ADAMTS9: variants seen among roughly 807,000 people sequenced by gnomAD.
ADAMTS9 encodes A disintegrin and metalloproteinase with thrombospondin motifs 9.
ADAMTS9 carries 107 observed loss-of-function variants against 257.1 expected under a neutral mutation model. That is an observed-to-expected ratio of 0.42 (90% CI 0.36 to 0.49). The LOEUF is 0.49. Ranked by LOEUF, ADAMTS9 falls within the 20% of genes least tolerant of loss-of-function variation. ADAMTS9 has a pLI of 0.03. For synonymous variants in ADAMTS9, 982 were observed against 880.9 expected (o/e 1.11, Z -2.03); for missense variants, 2,353 against 2,469.1 (o/e 0.95, Z 1.00).
chr3:64,647,840 C>G (rs1168985742), intron 11 of ADAMTS9, 100 bp downstream of exon 11: 2 of 974,936 alleles, frequency 2.1e-6, no homozygotes, highest in Non-Finnish European at 3.0e-6. Flanking sequence ...CTAAAACAGA[C>G]TGCATTGTCT....
At chr3:64,533,343 A>C in intron 37 of ADAMTS9, 73 bp from the exon 38 acceptor site, 1 of 1,135,266 alleles carries the variant, frequency 8.8e-7, no homozygotes, top group South Asian at 1.3e-5. Flanking sequence ...CAAAGGTGAT[A>C]CAATAAAAGG....
intron 21 of ADAMTS9, 24 bp from the exon 22 acceptor site, chr3:64,613,533 C>A (rs769653490): frequency 1.2e-6 from 2 of 1,605,702 alleles, no homozygotes; most frequent in Admixed American, 1.7e-5. Context: ...CGGAGCTAGT[C>A]AGGGTCATTT....
intron 22 of ADAMTS9, among the ~76,000 whole-genome samples, chr3:64,613,056 A>G (rs1438147124): frequency 9.9e-5 from 15 of 152,184 alleles, no homozygotes; most frequent in Admixed American, 9.8e-4. Context: ...TCAGCCAGAC[A>G]TGAAATCTGT....
intron 36 of ADAMTS9, 76 bp downstream of exon 36, chr3:64,541,019 C>A: frequency 6.3e-7 from 1 of 1,579,422 alleles, no homozygotes; most frequent in Non-Finnish European, 8.6e-7. Context: ...CCCTGCTAGC[C>A]AATGTGCAAG....
At chr3:64,594,464 A>T (rs899214793) in intron 27 of ADAMTS9, 30 bp from the exon 28 acceptor site, 2 of 1,598,368 alleles carry the variant, frequency 1.3e-6, no homozygotes, top group Non-Finnish European at 1.7e-6. Context: ...GGCTGCAGTT[A>T]TTTTGTCTGA....
At chr3:64,517,952 A>G (rs1313238124) in intron 39 of ADAMTS9, among the ~76,000 whole-genome samples, 1 of 152,264 alleles carries the variant, frequency 6.6e-6, no homozygotes, top group South Asian at 2.1e-4. Flanking sequence ...AGGTGGGTAC[A>G]TGATCTCAGA....
intron 37 of ADAMTS9, among the ~76,000 whole-genome samples, chr3:64,533,929 A>G (rs986634628): frequency 3.9e-5 from 6 of 152,158 alleles, no homozygotes; most frequent in African/African-American, 9.7e-5. Flanking sequence ...TGGTGCCTCA[A>G]TATTGATTTC....
At chr3:64,537,953 C>T (rs2083070894) in intron 37 of ADAMTS9, among the ~76,000 whole-genome samples, 2 of 152,210 alleles carry the variant, frequency 1.3e-5, no homozygotes, top group Non-Finnish European at 2.9e-5. Context: ...ACTTGCCACG[C>T]CTCTCTCAGG....
At chr3:64,615,840 A>G in intron 20 of ADAMTS9, 120 bp downstream of exon 20, 2 of 1,210,168 alleles carry the variant, frequency 1.7e-6, no homozygotes, top group Non-Finnish European at 2.4e-6. Flanking sequence ...GTCAGGCATT[A>G]CAAATCAATC....
At chr3:64,557,755 T>C (rs2083359050) in intron 30 of ADAMTS9, among the ~76,000 whole-genome samples, 1 of 152,244 alleles carries the variant, frequency 6.6e-6, no homozygotes, top group Admixed American at 6.5e-5. Flanking sequence ...AAGTGAAGTC[T>C]AGAAATTCAG....
At chr3:64,627,863 G>A (rs1239615235) in intron 16 of ADAMTS9, among the ~76,000 whole-genome samples, 1 of 152,182 alleles carries the variant, frequency 6.6e-6, no homozygotes, top group African/African-American at 2.4e-5. Flanking sequence ...TGGAACAGCT[G>A]TGACTGGACT....
intron 19 of ADAMTS9, among the ~76,000 whole-genome samples, chr3:64,616,429 C>G (rs993443460): frequency 6.6e-6 from 1 of 152,136 alleles, no homozygotes; most frequent in Non-Finnish European, 1.5e-5. Context: ...CCCCGATAGT[C>G]AATCTGAAAT....
chr3:64,529,670 C>G lies in ADAMTS9; in HGVS notation c.5718+3496G>C, dbSNP rs147405819. 1.1e-4 allele frequency among the ~76,000 whole-genome samples: 16 copies of G among 152,316 alleles called. No homozygotes were observed. In the East Asian group the frequency reaches 2.9e-3, roughly 28 times the overall value. ...CTGGTTATTTGGGGGAAATTACAAGCTGTAACTTCGAAAAGAAGTTTTTGT... is the reference window on the plus strand; with the variant it reads ...CTGGTTATTTGGGGGAAATTACAAGGTGTAACTTCGAAAAGAAGTTTTTGT... On this transcript the variant is annotated intron_variant, in intron 38 of 39. Coordinates refer to ENST00000498707, the MANE Select transcript of ADAMTS9 (RefSeq NM_182920.2).
chr3:64,547,368 C>T (rs981174545), intron 31 of ADAMTS9, among the ~76,000 whole-genome samples: 1 of 151,790 alleles, frequency 6.6e-6, no homozygotes, highest in African/African-American at 2.4e-5. Flanking sequence ...AGCAGCTGAC[C>T]CGTGAGTCGG....
rs1312273104 is a variant in ADAMTS9, at chr3:64,632,077, G to C, written c.2176-152C>G. 5 of 648,586 alleles carry C rather than the reference G, an allele frequency of 7.7e-6. 1 individual carries two copies. Among genetic ancestry groups the C allele is most frequent in the African/African-American group, 7.3e-5 (4 of 54,558 alleles). 40.2% of individuals were successfully genotyped at this position (648,586 alleles called of 1,614,324 possible). ...AGGTTGAAAACTGAAATTATATACT[G>C]CCTTGCTATTTAAAATGTGGTCCTT... is the stretch of plus-strand genomic sequence containing the variant. On this transcript the variant is annotated intron_variant, in intron 14 of 39. Transcript: ENST00000498707.
At chr3:64,648,178 A>G (rs2106939227) in intron 10 of ADAMTS9, 134 bp from the exon 11 acceptor site, 1 of 778,458 alleles carries the variant, frequency 1.3e-6, no homozygotes, top group Non-Finnish European at 2.0e-6. Context: ...TTTTCTTGGT[A>G]TGATAAATGC....
chr3:64,662,476 A>G (rs1701248997), intron 3 of ADAMTS9, among the ~76,000 whole-genome samples: 1 of 151,988 alleles, frequency 6.6e-6, no homozygotes, highest in South Asian at 2.1e-4. Context: ...TGGCTGCTCT[A>G]TCCATTATTG....
chr3:64,608,273 AAAAC>A (rs1478996196), intron 22 of ADAMTS9, among the ~76,000 whole-genome samples: 1 of 151,010 alleles, frequency 6.6e-6, no homozygotes, highest in African/African-American at 2.4e-5. Context: ...AAAAAAAAAA[AAAAC>A]AAGAAAAGGA....
At chr3:64,629,142 T>G (rs1219734922) in intron 16 of ADAMTS9, among the ~76,000 whole-genome samples, 1 of 152,182 alleles carries the variant, frequency 6.6e-6, no homozygotes, top group East Asian at 1.9e-4. Context: ...TACTGCCACT[T>G]TCACTGCTCC....
Sources: allele counts gnomAD v4.1 joint callset (sites outside exome capture counted in the v4.1 genomes callset), GRCh38; gene constraint gnomAD v4.1.1; transcripts MANE v1.5; gene names NCBI Gene and HGNC (gene_info 2026-07-23, HGNC 2026-07-21).